The following ARMCX4 variants were observed in gnomAD, a reference collection of about 807,000 sequenced individuals.
ARMCX4 encodes armadillo repeat-containing X-linked protein 4.
In ARMCX4, 3 loss-of-function variants were observed where a neutral mutation model predicts 34.7. The ratio of observed to expected loss-of-function variants is 0.09; its 90% CI spans 0.04 to 0.22. ARMCX4 has a LOEUF of 0.22. Ranked by LOEUF, ARMCX4 falls within the 10% of genes least tolerant of loss-of-function variation. ARMCX4 has a pLI of 1.00. For synonymous variants in ARMCX4, 513 were observed against 632.8 expected (o/e 0.81, Z 2.84); for missense variants, 1,448 against 1,720.8 (o/e 0.84, Z 2.81).
intron 11 of ARMCX4, among the ~76,000 whole-genome samples, chrX:101,515,497 C>T (rs1304342524): frequency 2.1e-5 from 1 of 47,925 alleles, no homozygotes; most frequent in Non-Finnish European, 3.8e-5. Context: ...CTCCCTCTCT[C>T]TCTTTCTTTC....
chrX:101,424,918 G>T (rs1188555724), intron 2 of ARMCX4, among the ~76,000 whole-genome samples: 1 of 112,081 alleles, frequency 8.9e-6, no homozygotes, highest in Non-Finnish European at 1.9e-5. Flanking sequence ...TGGATGGATG[G>T]ATCTAGAGCT....
chrX:101,482,824 T>C (rs781959217), upstream of ARMCX4, among the ~76,000 whole-genome samples: 3 of 109,759 alleles, frequency 2.7e-5, no homozygotes, highest in Non-Finnish European at 3.8e-5. Flanking sequence ...ATCAGCCACA[T>C]TGTATAAATA....
At chrX:101,461,143 C>T (rs1932588895) in intron 4 of ARMCX4, among the ~76,000 whole-genome samples, 1 of 112,058 alleles carries the variant, frequency 8.9e-6, no homozygotes, top group Non-Finnish European at 1.9e-5. Flanking sequence ...TAAGTACTCT[C>T]ACATTGTTGT....
downstream of ARMCX4, among the ~76,000 whole-genome samples, chrX:101,448,911 CCTT>C (rs782210287): frequency 3.2e-5 from 2 of 62,330 alleles, no homozygotes; most frequent in African/African-American, 1.1e-4. Context: ...TCTTTTCTTT[CCTT>C]TTTTTTTTTT....
chrX:101,433,391 TATAC>T (rs1281919844), intron 2 of ARMCX4, among the ~76,000 whole-genome samples: 7 of 109,910 alleles, frequency 6.4e-5, no homozygotes, highest in African/African-American at 1.7e-4. Context: ...TATGTACATA[TATAC>T]ATACATATAA....
In ARMCX4 at chrX:101,493,527, C is replaced by T. The variant is rs1487873648; in HGVS notation, c.4938C>T (p.Ser1646=). The T allele has an allele frequency of 3.6e-5, 41 of 1,152,715 alleles. No individual in the cohort carries two copies. The highest frequency in any genetic ancestry group is 4.6e-5 in the Non-Finnish European group (40 of 872,093). The allele number at this position is 1,152,715 out of a possible 1,213,427, so 95.0% of individuals were successfully genotyped here. A position where few individuals can be genotyped will look rare whatever the true frequency, so the allele number is the denominator to read the frequency against. ...CTGGGAATCAGTCCAGTGGAAGGTC[C>T]TGGATTGGGCCTGGGGATCAGGCTG... The part of the protein sequence containing the change: ...AGTGNQSSGR[S]WIGPGDQAVD... The change falls in exon 6 of 6, where the codon TCC becomes TCT. Residue 1646 remains serine (S), a synonymous_variant. Transcript: ENST00000423738.
chrX:101,432,974 GTA>G lies in ARMCX4; in HGVS notation n.165-11071_165-11070del, dbSNP rs1166366333. ...CACATGTATACATATGTGTATATGT[GTA>G]TATATACACACATGTATACATATAT... On this transcript the variant is annotated intron_variant and non_coding_transcript_variant, in intron 2 of 3. Coordinates refer to the ARMCX4 transcript ENST00000430461. Among the ~76,000 whole-genome samples, 6 of 103,212 alleles carry G rather than the reference GTA, an allele frequency of 5.8e-5. No individual in the cohort carries two copies. The East Asian group carries it at 9.5e-4, about 16-fold the overall frequency. The allele number at this position is 103,212 out of a possible 115,157, so 89.6% of individuals were successfully genotyped here.
chrX:101,438,717 T>A (rs1555995838), intron 2 of ARMCX4, among the ~76,000 whole-genome samples: 2 of 111,957 alleles, frequency 1.8e-5, no homozygotes, highest in Non-Finnish European at 3.8e-5. Flanking sequence ...ACCTTTACCA[T>A]TATGTAATGG....
At chrX:101,520,986 C>T (rs1195413200) in intron 11 of ARMCX4, among the ~76,000 whole-genome samples, 6 of 103,130 alleles carry the variant, frequency 5.8e-5, no homozygotes, top group African/African-American at 1.1e-4. Flanking sequence ...GATTGGAGTG[C>T]AATGATGAAG....
At chrX:101,510,949 C>T (rs371222330) in intron 10 of ARMCX4, 2 of 111,296 alleles carry the variant, frequency 1.8e-5, no homozygotes, top group African/African-American at 6.5e-5. Context: ...TTTTTCCTCT[C>T]TGAAAATGTT....
intron 2 of ARMCX4, among the ~76,000 whole-genome samples, chrX:101,440,764 C>A (rs916277741): frequency 3.6e-5 from 4 of 111,579 alleles, no homozygotes; most frequent in African/African-American, 1.3e-4. Flanking sequence ...GGTGTAGGAC[C>A]CTCCGAGCCA....
At chrX:101,475,395 A>G (rs1364112775) in intron 4 of ARMCX4, among the ~76,000 whole-genome samples, 1 of 111,573 alleles carries the variant, frequency 9.0e-6, no homozygotes, top group African/African-American at 3.3e-5. Context: ...GGGGGGTGTA[A>G]TACAAATAGA....
intron 8 of ARMCX4, among the ~76,000 whole-genome samples, chrX:101,508,265 T>C (rs1324786164): frequency 6.2e-5 from 7 of 112,590 alleles, no homozygotes; most frequent in African/African-American, 2.3e-4. Flanking sequence ...GTATTAGTCC[T>C]CTTGAGCTTC....
At chrX:101,529,371 A>AT (rs1935063626) in intron 11 of ARMCX4, among the ~76,000 whole-genome samples, 1 of 111,375 alleles carries the variant, frequency 9.0e-6, no homozygotes, top group Non-Finnish European at 1.9e-5. Flanking sequence ...ACCTAAAACC[A>AT]TAAAAACCCT....
intron 11 of ARMCX4, among the ~76,000 whole-genome samples, chrX:101,529,965 C>T (rs1556021696): frequency 3.6e-5 from 4 of 111,334 alleles, no homozygotes. Flanking sequence ...ACCATTTGAC[C>T]CAGCGATCCC....
At chrX:101,523,805 ACT>A (rs1403205537) in intron 11 of ARMCX4, among the ~76,000 whole-genome samples, 5 of 112,176 alleles carry the variant, frequency 4.5e-5, no homozygotes, top group Admixed American at 2.8e-4. Context: ...TTTTGTAATA[ACT>A]CTGTTTTTTT....
At chrX:101,504,922 C>G (rs1934412437) in intron 7 of ARMCX4, 1 of 111,148 alleles carries the variant, frequency 9.0e-6, no homozygotes, top group South Asian at 3.8e-4. Flanking sequence ...TTTCTCTTCC[C>G]CTTTTATTTT....
downstream of ARMCX4, among the ~76,000 whole-genome samples, chrX:101,451,727 A>G (rs1555999121): frequency 8.9e-6 from 1 of 112,281 alleles, no homozygotes; most frequent in Admixed American, 9.5e-5. Context: ...AATGAATACA[A>G]TACTTACTCT....
At chrX:101,455,882 A>G (rs781998637) in intron 4 of ARMCX4, among the ~76,000 whole-genome samples, 13 of 110,602 alleles carry the variant, frequency 1.2e-4, no homozygotes, top group Admixed American at 1.1e-3. Flanking sequence ...CCCAATGTTT[A>G]GCTCCCACTT....
Sources: allele counts gnomAD v4.1 joint callset (sites outside exome capture counted in the v4.1 genomes callset), GRCh38; gene constraint gnomAD v4.1.1; transcripts MANE v1.5; gene names NCBI Gene and HGNC (gene_info 2026-07-23, HGNC 2026-07-21).